TENM4: variants seen among roughly 807,000 people sequenced by gnomAD.
TENM4 encodes the protein teneurin transmembrane protein 4.
Under a neutral mutation model 243.3 loss-of-function variants are expected in TENM4, and 82 were observed. The observed-to-expected ratio is 0.34, with a 90% confidence interval of 0.28 to 0.40. The LOEUF is 0.40. Ranked by LOEUF, TENM4 falls within the 10% of genes least tolerant of loss-of-function variation. TENM4 has a pLI of 1.00. For synonymous variants in TENM4, 1,412 were observed against 1,456.3 expected, an observed-to-expected ratio of 0.97 and a Z score of 0.69; for missense variants, 3,138 against 3,673.3, an observed-to-expected ratio of 0.85 and a Z score of 3.77.
intron 6 of TENM4, among the ~76,000 whole-genome samples, chr11:79,049,055 A>G (rs1161062280): frequency 6.6e-6 from 1 of 152,174 alleles, no homozygotes; most frequent in Non-Finnish European, 1.5e-5. Flanking sequence ...TGTCTTCTGT[A>G]TACCATGAGC....
At position 78,805,282 on chromosome 11, in the gene TENM4, C is replaced by CACCCCCCCCCCCCCCCCCCCCCT; in HGVS notation, c.2179+9_2179+10insAGGGGGGGGGGGGGGGGGGGGGT. ...CCCTCTACCCATGCTTCTTCTCCCC[C>CACCCCCCCCCCCCCCCCCCCCCT]TGCATTTACCGATAGAACAGTCGTG... On this transcript the variant is annotated intron_variant, in intron 15 of 33. Transcript: ENST00000278550. 5 of 995,554 alleles carry CACCCCCCCCCCCCCCCCCCCCCT rather than the reference C, an allele frequency of 5.0e-6. No homozygotes were observed. The highest frequency in any genetic ancestry group is 3.2e-5 in the South Asian group (1 of 30,964). 61.7% of individuals were successfully genotyped at this position (995,554 alleles called of 1,614,324 possible).
At chr11:79,427,079 T>C (rs1859068573) in intron 1 of TENM4, among the ~76,000 whole-genome samples, 1 of 151,868 alleles carries the variant, frequency 6.6e-6, no homozygotes, top group Non-Finnish European at 1.5e-5. Context: ...AGTGCCACCA[T>C]GGTACCCTGG....
chr11:79,305,535 A>G (rs964677674), intron 1 of TENM4, among the ~76,000 whole-genome samples: 2 of 152,312 alleles, frequency 1.3e-5, no homozygotes, highest in East Asian at 1.9e-4. Context: ...CATGAGCACA[A>G]TCTTTTCAAA....
rs140125556 is a variant in TENM4, at chr11:79,220,713, A to T, written c.-264-4804T>A. Among the ~76,000 whole-genome samples the T allele has an allele frequency of 3.6e-4, 55 of 152,326 alleles. 1 individual carries two copies. In the East Asian group the frequency reaches 9.7e-3, roughly 27 times the overall value. On this transcript the variant is annotated intron_variant, in intron 2 of 33. Coordinates refer to ENST00000278550, the MANE Select transcript of TENM4 (RefSeq NM_001098816.3). ...CTCTTATGTCCAGTGTCTTATAATT[A>T]TTCATCTTTACAACTTTCTTTTCCA...
intron 4 of TENM4, among the ~76,000 whole-genome samples, chr11:79,108,470 T>C (rs1215478761): frequency 2.6e-5 from 4 of 152,156 alleles, no homozygotes; most frequent in Non-Finnish European, 5.9e-5. Flanking sequence ...TGTATGTATA[T>C]ATTAAGAGAT....
intron 1 of TENM4, among the ~76,000 whole-genome samples, chr11:79,389,112 C>A (rs12277834): frequency 6.6e-6 from 1 of 152,046 alleles, no homozygotes; most frequent in African/African-American, 2.4e-5. Flanking sequence ...TCAAATCATA[C>A]TGATATCTTG....
In TENM4 at chr11:78,968,084, C is replaced by A. The variant is rs1379323255; in HGVS notation, c.494-64561G>T. Among the ~76,000 whole-genome samples, 4 of 152,202 alleles carry A rather than the reference C, an allele frequency of 2.6e-5. No homozygotes were observed. The East Asian group carries it at 7.7e-4, about 29-fold the overall frequency. On this transcript the variant is annotated intron_variant, in intron 6 of 33. Coordinates refer to ENST00000278550, the MANE Select transcript of TENM4 (RefSeq NM_001098816.3). ...TGAATCAGTTCTTGCTCTGTTAGTT[C>A]ACTTGAGATCTGGTTGTTAAAGAGT...
At chr11:78,991,338 G>T (rs962137751) in intron 6 of TENM4, among the ~76,000 whole-genome samples, 1 of 152,004 alleles carries the variant, frequency 6.6e-6, no homozygotes, top group East Asian at 1.9e-4. Context: ...GCCTCTTGTT[G>T]ATAGGAAGGA....
Position 78,997,220 on chromosome 11 carries a change from C to G in TENM4, c.493+67518G>C, listed in dbSNP as rs76778471. On this transcript the variant is annotated intron_variant, in intron 6 of 33. Transcript: ENST00000278550. ...AGACTTCATCATTAGGAAAGTGGCC[C>G]TAAAATTCAGAGCAGTCCAGCGTGT... is the stretch of plus-strand genomic sequence containing the variant. Among the ~76,000 whole-genome samples, 1,479 of 152,264 alleles carry G rather than the reference C, an allele frequency of 9.7e-3. 36 individuals carry two copies. The highest frequency in any genetic ancestry group is 0.034 in the African/African-American group (1,401 of 41,552).
chr11:79,012,811 T>A (rs925638150), intron 6 of TENM4, among the ~76,000 whole-genome samples: 9 of 152,174 alleles, frequency 5.9e-5, no homozygotes, highest in African/African-American at 2.2e-4. Flanking sequence ...CTTTCCCAGC[T>A]CCCCTGGCAG....
chr11:79,048,905 G>A (rs920498195), intron 6 of TENM4, among the ~76,000 whole-genome samples: 1 of 152,120 alleles, frequency 6.6e-6, no homozygotes, highest in Non-Finnish European at 1.5e-5. Context: ...GATCTCCCTT[G>A]GTCGGTGCTT....
chr11:79,359,469 A>C (rs1857555072), intron 1 of TENM4, among the ~76,000 whole-genome samples: 1 of 152,216 alleles, frequency 6.6e-6, no homozygotes. Context: ...TTTGACTCAA[A>C]ATAATCCAAT....
intron 2 of TENM4, among the ~76,000 whole-genome samples, chr11:79,258,946 CA>C (rs1193252555): frequency 6.6e-6 from 1 of 152,174 alleles, no homozygotes; most frequent in African/African-American, 2.4e-5. Context: ...TGGCCCCCCC[CA>C]CCTACTAGCT....
At position 79,147,350 on chromosome 11, in the gene TENM4, G is replaced by A. The variant is rs1403697037; in HGVS notation, c.-66+1360C>T. Among the ~76,000 whole-genome samples the A allele has an allele frequency of 2.0e-5, 3 of 151,986 alleles. No homozygotes were observed. In the East Asian group the frequency reaches 5.8e-4, roughly 29 times the overall value. On this transcript the variant is annotated intron_variant, in intron 4 of 33. Coordinates refer to ENST00000278550, the MANE Select transcript of TENM4 (RefSeq NM_001098816.3). ...GCTCTAATCCTTACCATCTAGGACC[G>A]GGGCTATGGCATCAGTGAGAGATTG...
intron 6 of TENM4, among the ~76,000 whole-genome samples, chr11:78,989,896 GA>G (rs200863672): frequency 2.0e-5 from 3 of 150,092 alleles, no homozygotes; most frequent in Admixed American, 6.7e-5. Context: ...TCTACTAAAA[GA>G]AAAAAAAATA....
chr11:78,784,987 C>A (rs1856905437), intron 16 of TENM4, among the ~76,000 whole-genome samples: 1 of 151,364 alleles, frequency 6.6e-6, no homozygotes, highest in Non-Finnish European at 1.5e-5. Flanking sequence ...GAGCTGAGGA[C>A]TCTGTAAGCA....
chr11:78,756,699 C>A, intron 19 of TENM4, 106 bp downstream of exon 19: 1 of 1,085,902 alleles, frequency 9.2e-7, no homozygotes. Flanking sequence ...CATGGATGCT[C>A]TCACGTTCCT....
chr11:78,969,578 G>C (rs1327133898), intron 6 of TENM4, among the ~76,000 whole-genome samples: 1 of 152,194 alleles, frequency 6.6e-6, no homozygotes, highest in Non-Finnish European at 1.5e-5. Context: ...TTAACACTTT[G>C]CTCAGCAGTC....
intron 3 of TENM4, among the ~76,000 whole-genome samples, chr11:79,203,632 G>C (rs2135196161): frequency 6.6e-6 from 1 of 152,292 alleles, no homozygotes; most frequent in East Asian, 1.9e-4. Context: ...CTGTATCATG[G>C]GGGATTGATT....
Sources: allele counts gnomAD v4.1 joint callset (sites outside exome capture counted in the v4.1 genomes callset), GRCh38; gene constraint gnomAD v4.1.1; transcripts MANE v1.5; gene names NCBI Gene and HGNC (gene_info 2026-07-23, HGNC 2026-07-21).